The following TBC1D22A variants were observed in gnomAD, a reference collection of about 807,000 sequenced individuals.
The protein encoded by TBC1D22A is TBC1 domain family member 22A, also known as putative GTPase activator.
Under a neutral mutation model 60.2 loss-of-function variants are expected in TBC1D22A, and 38 were observed. That is an observed-to-expected ratio of 0.63 (90% CI 0.49 to 0.83). The LOEUF is 0.83. Among genes scored for constraint, TBC1D22A ranks in the 40% least tolerant of loss-of-function variants. TBC1D22A has a pLI of 0.00. For missense variants in TBC1D22A, 628 were observed against 701.0 expected (o/e 0.90, Z 1.18); for synonymous variants, 302 against 281.7 (o/e 1.07, Z -0.72).
At chr22:46,803,214 C>T (rs973644717) in intron 4 of TBC1D22A, among the ~76,000 whole-genome samples, 15 of 152,030 alleles carry the variant, frequency 9.9e-5, no homozygotes, top group Non-Finnish European at 2.1e-4. Context: ...CTGGCCTTAT[C>T]GCTGGTTTAC....
intron 12 of TBC1D22A, among the ~76,000 whole-genome samples, chr22:47,114,441 G>GT (rs1320489463): frequency 6.6e-6 from 1 of 151,986 alleles, no homozygotes; most frequent in Non-Finnish European, 1.5e-5. Context: ...AGAGAATGCT[G>GT]TGAGTGAGGG....
chr22:47,039,500 C>T (rs533715701), intron 11 of TBC1D22A, among the ~76,000 whole-genome samples: 68 of 151,966 alleles, frequency 4.5e-4, no homozygotes, highest in Non-Finnish European at 6.8e-4. Flanking sequence ...TCTTGGGACA[C>T]GTGTCAATAA....
chr22:46,832,800 G>A (rs2086367786), intron 4 of TBC1D22A, among the ~76,000 whole-genome samples: 1 of 152,192 alleles, frequency 6.6e-6, no homozygotes, highest in Non-Finnish European at 1.5e-5. Context: ...TCATTGGCCA[G>A]CGACATTCTC....
intron 4 of TBC1D22A, among the ~76,000 whole-genome samples, chr22:46,873,426 A>G (rs1047902714): frequency 6.6e-6 from 1 of 152,248 alleles, no homozygotes; most frequent in African/African-American, 2.4e-5. Context: ...AACAATTCAA[A>G]TGTTCATACA....
intron 8 of TBC1D22A, among the ~76,000 whole-genome samples, chr22:46,922,958 T>C (rs1033931713): frequency 6.6e-6 from 1 of 152,256 alleles, no homozygotes; most frequent in Non-Finnish European, 1.5e-5. Flanking sequence ...TCCAGTACTC[T>C]ATTGAATAGG....
intron 8 of TBC1D22A, among the ~76,000 whole-genome samples, chr22:46,969,000 T>C (rs980542476): frequency 6.6e-6 from 1 of 152,190 alleles, no homozygotes; most frequent in Non-Finnish European, 1.5e-5. Context: ...ACGTGGTGAC[T>C]GTGCAGTGCT....
chr22:46,974,745 C>G (rs2074224966), intron 9 of TBC1D22A, among the ~76,000 whole-genome samples: 1 of 152,214 alleles, frequency 6.6e-6, no homozygotes, highest in Non-Finnish European at 1.5e-5. Context: ...TAAGAGGGAT[C>G]CTCCTTAAAG....
At chr22:47,169,759 A>T (rs981405822) in intron 12 of TBC1D22A, among the ~76,000 whole-genome samples, 3 of 152,236 alleles carry the variant, frequency 2.0e-5, no homozygotes, top group African/African-American at 7.2e-5. Flanking sequence ...CTTCTACAGC[A>T]TCAGTGTGAT....
At chr22:46,792,826 C>T (rs889178414) in intron 2 of TBC1D22A, 4 of 1,439,182 alleles carry the variant, frequency 2.8e-6, no homozygotes, top group Non-Finnish European at 3.6e-6. Flanking sequence ...CTGGGGAGAG[C>T]CAGGAGCTGG....
chr22:46,817,083 C>CT (rs2085633302), intron 4 of TBC1D22A, among the ~76,000 whole-genome samples: 1 of 152,134 alleles, frequency 6.6e-6, no homozygotes, highest in Admixed American at 6.6e-5. Context: ...GTAGGCACAT[C>CT]TTTTTGTAAG....
At chr22:47,125,690 C>T (rs2147100883) in intron 12 of TBC1D22A, among the ~76,000 whole-genome samples, 1 of 152,348 alleles carries the variant, frequency 6.6e-6, no homozygotes, top group Non-Finnish European at 1.5e-5. Context: ...ATCTTTCTTT[C>T]TGTGGCTCAA....
chr22:46,991,911 C>T (rs144900659), intron 9 of TBC1D22A, among the ~76,000 whole-genome samples: 9 of 152,336 alleles, frequency 5.9e-5, no homozygotes, highest in African/African-American at 2.2e-4. Context: ...CCTGAACCCT[C>T]TCTCTCATCT....
intron 8 of TBC1D22A, among the ~76,000 whole-genome samples, chr22:46,962,163 G>T (rs147190785): frequency 6.6e-6 from 1 of 152,324 alleles, no homozygotes; most frequent in African/African-American, 2.4e-5. Context: ...CCCAGGATCG[G>T]TGCTCGCCAC....
At chr22:47,102,402 C>T (rs1248114757) in intron 11 of TBC1D22A, among the ~76,000 whole-genome samples, 1 of 152,170 alleles carries the variant, frequency 6.6e-6, no homozygotes. Flanking sequence ...ATGGAGCCCC[C>T]GGTCCTGAGT....
chr22:46,960,484 A>G (rs2073435979), intron 8 of TBC1D22A, among the ~76,000 whole-genome samples: 1 of 151,138 alleles, frequency 6.6e-6, no homozygotes, highest in South Asian at 2.1e-4. Context: ...CTGGTCTTGA[A>G]CTCCTGACCT....
intron 1 of TBC1D22A, chr22:46,763,225 AT>A: frequency 4.4e-6 from 1 of 227,710 alleles, no homozygotes; most frequent in East Asian, 9.9e-5. Flanking sequence ...TGCTGGGTGG[AT>A]CAGTTTCTGC....
intron 1 of TBC1D22A, among the ~76,000 whole-genome samples, chr22:46,782,153 C>A (rs2083967657): frequency 6.6e-6 from 1 of 152,238 alleles, no homozygotes; most frequent in South Asian, 2.1e-4. Flanking sequence ...CTCCTGGGTT[C>A]AAGTGATTCT....
chr22:46,771,407 T>G lies in TBC1D22A; in HGVS notation c.62+8559T>G, dbSNP rs190656933. On this transcript the variant is annotated intron_variant, in intron 1 of 12. Coordinates refer to ENST00000337137, the MANE Select transcript of TBC1D22A (RefSeq NM_014346.5). ...GTTACATGAGTAAGTTCTTTAGTGG[T>G]GATTTGTGAGATTTGGGTGCACCTG... Among the ~76,000 whole-genome samples, 541 of 152,096 alleles carry G rather than the reference T, an allele frequency of 3.6e-3. 5 individuals carry two copies. The highest frequency in any genetic ancestry group is 0.012 in the African/African-American group (512 of 41,486).
chr22:46,882,590 G>A (rs768061960), intron 5 of TBC1D22A, among the ~76,000 whole-genome samples: 13 of 152,170 alleles, frequency 8.5e-5, no homozygotes, highest in Non-Finnish European at 1.6e-4. Context: ...TGGAGGGCCT[G>A]CGTTGGAGGA....
Sources: gnomAD v4.1 joint callset for allele counts (sites outside exome capture counted in the v4.1 genomes callset) on GRCh38, gnomAD v4.1.1 for gene constraint, MANE v1.5 for transcripts, NCBI Gene and HGNC (gene_info 2026-07-23, HGNC 2026-07-21) for gene names.